Variants in LOXL3 observed in about 807,000 individuals in gnomAD.
The protein encoded by LOXL3 is lysyl oxidase like 3, also known as lysyl oxidase homolog 3.
In LOXL3, 60 loss-of-function variants were observed where a neutral mutation model predicts 91.8. The observed-to-expected ratio is 0.65, with a 90% confidence interval of 0.53 to 0.81. LOXL3 has a LOEUF of 0.81. Ranked by LOEUF, LOXL3 falls within the 30% of genes least tolerant of loss-of-function variation. LOXL3 has a pLI of 0.00. For missense variants in LOXL3, 874 were observed against 1,000.4 expected (o/e 0.87, Z 1.70); for synonymous variants, 355 against 387.6 (o/e 0.92, Z 0.99).
upstream of LOXL3, chr2:74,554,972 C>G (rs2104465795): frequency 7.0e-7 from 1 of 1,425,092 alleles, no homozygotes; most frequent in East Asian, 2.5e-5. The surrounding 1 kb of genome is among the most constrained non-coding windows in gnomAD (Gnocchi z 4.9). Context: ...CGGGAAGCGT[C>G]TGTAGTCTAG....
In LOXL3 at chr2:74,550,310, C is replaced by T. The variant is rs748631958; in HGVS notation, c.352G>A (p.Glu118Lys). 15 of 1,613,982 alleles carry T rather than the reference C, an allele frequency of 9.3e-6. No homozygotes were observed. Among genetic ancestry groups the T allele is most frequent in the South Asian group, 3.3e-5 (3 of 91,080 alleles). The change falls in exon 3 of 14, where the codon GAG (glutamate) becomes AAG (lysine). Residue 118 changes from glutamate (E) to lysine (K), a missense_variant. By Grantham distance (56) the Glu-to-Lys change is moderately conservative. Coordinates refer to ENST00000264094, the MANE Select transcript of LOXL3 (RefSeq NM_032603.5). ...GAGGCACATTCAGTCACACTCTGCT[C>T]GGTCCCACTGCAGCTCAAGTTGTCC... ...WLDNLSCSGT[E>K]QSVTECASRG...
In LOXL3 at chr2:74,549,619, G is replaced by T; in HGVS notation, c.478-36C>A. On this transcript the variant is annotated intron_variant, in intron 3 of 13. Coordinates refer to ENST00000264094, the MANE Select transcript of LOXL3 (RefSeq NM_032603.5). This position sits in a 1 kb window ranked among gnomAD's most constrained non-coding sequence, Gnocchi z 5.3. ...GGCCACAAGCAGGGAAAGAATCCCA[G>T]TGGCACCTTTCATGTGTCCCGCCGC... The T allele has an allele frequency of 3.8e-6, 6 of 1,581,924 alleles. No homozygotes were observed. The highest frequency in any genetic ancestry group is 4.3e-6 in the Non-Finnish European group (5 of 1,158,870).
rs572945556 is a variant in LOXL3 at position 74,543,777 on chromosome 2, C to T, written c.692+5592G>A. 1.2e-3 allele frequency among the ~76,000 whole-genome samples: 188 copies of T among 150,424 alleles called. 2 individuals carry two copies. The highest frequency in any genetic ancestry group is 4.0e-3 in the African/African-American group (165 of 40,972). On this transcript the variant is annotated intron_variant, in intron 4 of 13. Coordinates refer to ENST00000264094, the MANE Select transcript of LOXL3 (RefSeq NM_032603.5). The stretch of plus-strand genomic sequence containing the variant: ...TTAGCTGGGCATGGTGGCGCGTGCC[C>T]GTAATCCCAGCTACTCGAGAGGCTG...
chr2:74,537,949 C>A (rs537574815), intron 4 of LOXL3, among the ~76,000 whole-genome samples: 3 of 152,302 alleles, frequency 2.0e-5, no homozygotes, highest in African/African-American at 7.2e-5. Context: ...TGTGCCCTAT[C>A]ACTTGATGTC....
chr2:74,552,493 C>T lies in LOXL3; in HGVS notation c.142G>A (p.Gly48Ser). Reference protein sequence around the residue: ...GSQGLRFRLAGFPRKPYEGRV... With the variant: ...GSQGLRFRLASFPRKPYEGRV... The stretch of plus-strand genomic sequence containing the variant: ...CCCTCGTAGGGCTTCCTGGGGAAGC[C>T]AGCCAGCCGGAACCGAAGCCCCTGG... The change falls in exon 2 of 14, where the codon GGC (glycine) becomes AGC (serine). Residue 48 changes from glycine (G) to serine (S), a missense_variant. Gly to Ser is a moderately conservative substitution (Grantham distance 56). Coordinates refer to ENST00000264094, the MANE Select transcript of LOXL3 (RefSeq NM_032603.5). The T allele has an allele frequency of 6.2e-7, 1 of 1,613,552 alleles. No individual in the cohort carries two copies. Among genetic ancestry groups the T allele is most frequent in the Non-Finnish European group, 8.5e-7 (1 of 1,179,938 alleles).
chr2:74,541,949 T>C (rs1304308590), intron 4 of LOXL3, among the ~76,000 whole-genome samples: 1 of 152,174 alleles, frequency 6.6e-6, no homozygotes, highest in Non-Finnish European at 1.5e-5. Flanking sequence ...CATTCACAGA[T>C]GTGTTTGTTT....
Position 74,533,646 on chromosome 2 carries a change from A to G in LOXL3, c.2222T>C (p.Phe741Ser), listed in dbSNP as rs374373616. The change falls in exon 14 of 14, where the codon TTT (phenylalanine) becomes TCT (serine). Residue 741 changes from phenylalanine to serine, a missense_variant. Transcript: ENST00000264094. Reference protein sequence around the residue: ...DAFSEEANRRFERYPGQTSNQ... With the variant: ...DAFSEEANRRSERYPGQTSNQ... ...GCTGGTCTGGCCAGGGTAGCGTTCAAACCTCCTGTTGGCCTCTTCACTGAA... is the reference window on the plus strand; with the variant it reads ...GCTGGTCTGGCCAGGGTAGCGTTCAGACCTCCTGTTGGCCTCTTCACTGAA... 17 of 1,613,872 alleles carry G rather than the reference A, an allele frequency of 1.1e-5. No individual in the cohort carries two copies. Among genetic ancestry groups the G allele is most frequent in the African/African-American group, 1.3e-5 (1 of 74,852 alleles).
In LOXL3 at chr2:74,532,334, A is replaced by G; in HGVS notation, c.*1272T>C. ...TATCAGATCCATCCTTTTAGGCTCA[A>G]CTTAAGTTCTTTCCCCTTAAAGCTT... is the stretch of plus-strand genomic sequence containing the variant. On this transcript the variant is annotated 3_prime_UTR_variant, in exon 14 of 14. Coordinates refer to ENST00000264094, the MANE Select transcript of LOXL3 (RefSeq NM_032603.5). The G allele has an allele frequency of 6.1e-6, 3 of 491,212 alleles. No individual in the cohort carries two copies. Among genetic ancestry groups the G allele is most frequent in the Non-Finnish European group, 1.1e-5 (3 of 269,788 alleles). The allele number at this position is 491,212 out of a possible 1,614,324, so 30.4% of individuals were successfully genotyped here.
At chr2:74,548,106 G>A (rs1676717657) in intron 4 of LOXL3, among the ~76,000 whole-genome samples, 1 of 152,222 alleles carries the variant, frequency 6.6e-6, no homozygotes, top group Non-Finnish European at 1.5e-5. Flanking sequence ...TTAGACTTTG[G>A]TTTTAAACAT....
In LOXL3 at chr2:74,550,585, A is replaced by G. The variant is rs187676645; in HGVS notation, c.314-237T>C. Among the ~76,000 whole-genome samples the G allele has an allele frequency of 9.8e-4, 149 of 152,300 alleles. 2 individuals are homozygous for G. The highest frequency in any genetic ancestry group is 3.5e-3 in the African/African-American group (146 of 41,564). On this transcript the variant is annotated intron_variant, in intron 2 of 13. Coordinates refer to ENST00000264094, the MANE Select transcript of LOXL3 (RefSeq NM_032603.5). ...TACTCAAGAACCTGATACGGTGAAT[A>G]AAAAACCAAGAATCAACCCTGAAGT...
intron 9 of LOXL3, 126 bp from the exon 10 acceptor site, chr2:74,534,900 A>G: frequency 8.8e-7 from 1 of 1,135,544 alleles, no homozygotes; most frequent in East Asian, 2.4e-5. Flanking sequence ...TTTGTTTGAG[A>G]TGGAGTCTCA....
chr2:74,533,858 T>C lies in LOXL3; in HGVS notation c.2188+24A>G, dbSNP rs953300932. ...TTTCCCTCCCATCCCCTAATCTTCC[T>C]GGGTTGCTCTTCCCATCAAATACCA... is the stretch of plus-strand genomic sequence containing the variant. On this transcript the variant is annotated intron_variant, in intron 13 of 13. Transcript: ENST00000264094. The C allele has an allele frequency of 5.1e-6, 8 of 1,579,138 alleles. No homozygotes were observed. In the African/African-American group the frequency reaches 8.1e-5, roughly 16 times the overall value.
chr2:74,554,760 C>T (rs868513708), upstream of LOXL3: 1 of 1,613,774 alleles, frequency 6.2e-7, no homozygotes, highest in South Asian at 1.1e-5. This position sits in a 1 kb window ranked among gnomAD's most constrained non-coding sequence, Gnocchi z 4.9. Flanking sequence ...GGGCCATGGA[C>T]GGAGCAGTGA....
At chr2:74,541,406 A>G (rs1201781521) in intron 4 of LOXL3, among the ~76,000 whole-genome samples, 1 of 152,170 alleles carries the variant, frequency 6.6e-6, no homozygotes, top group Non-Finnish European at 1.5e-5. Flanking sequence ...AAGCTGTTTG[A>G]TATTTTCTGC....
chr2:74,555,139 T>G, upstream of LOXL3: 1 of 1,601,994 alleles, frequency 6.2e-7, no homozygotes, highest in Non-Finnish European at 8.5e-7. This position sits in a 1 kb window ranked among gnomAD's most constrained non-coding sequence, Gnocchi z 6.1. Context: ...TCGAGCACTC[T>G]CTCTCTCTCC....
Position 74,532,269 on chromosome 2 carries a change from C to T in LOXL3, c.*1337G>A. Reference sequence around the variant, plus strand: ...CTCAGCCAACCTGATTTCCTACTCCCATGTTTTTTATTTATGCTGTTCTTG... The same window carrying T: ...CTCAGCCAACCTGATTTCCTACTCCTATGTTTTTTATTTATGCTGTTCTTG... On this transcript the variant is annotated 3_prime_UTR_variant, in exon 14 of 14. Coordinates refer to ENST00000264094, the MANE Select transcript of LOXL3 (RefSeq NM_032603.5). 2.1e-6 allele frequency: 1 copy of T among 482,666 alleles called. No homozygotes were observed. Among genetic ancestry groups the T allele is most frequent in the East Asian group, 4.1e-5 (1 of 24,398 alleles). The allele number at this position is 482,666 out of a possible 1,614,324, so 29.9% of individuals were successfully genotyped here.
chr2:74,533,107 A>G lies in LOXL3; in HGVS notation c.*499T>C. Reference sequence around the variant, plus strand: ...GTGGGGGCAGGTCCCTCCAACCACCAGCACTGACTCCTGGGCTCTGAAGAA... The same window carrying G: ...GTGGGGGCAGGTCCCTCCAACCACCGGCACTGACTCCTGGGCTCTGAAGAA... On this transcript the variant is annotated 3_prime_UTR_variant, in exon 14 of 14. Transcript: ENST00000264094. The G allele has an allele frequency of 1.2e-6, 1 of 812,278 alleles. No individual in the cohort carries two copies. The highest frequency in any genetic ancestry group is 2.1e-6 in the Non-Finnish European group (1 of 482,152). 50.3% of individuals were successfully genotyped at this position (812,278 alleles called of 1,614,324 possible).
chr2:74,542,100 C>G (rs1676356507), intron 4 of LOXL3, among the ~76,000 whole-genome samples: 2 of 152,144 alleles, frequency 1.3e-5, no homozygotes, highest in African/African-American at 4.8e-5. Context: ...TGAGACCAGC[C>G]TGGGCAACAC....
rs1675881686 is a variant in LOXL3 at position 74,534,619 on chromosome 2, G to A, written c.1735C>T (p.Arg579Ter). 6.8e-6 allele frequency: 11 copies of A among 1,614,196 alleles called. No homozygotes were observed. The highest frequency in any genetic ancestry group is 9.3e-6 in the Non-Finnish European group (11 of 1,180,038). Residue 579 changes from arginine to a stop codon, truncating the protein, a stop_gained, in exon 10 of 14, where the codon CGA (arginine) becomes TGA (stop). Coordinates refer to ENST00000264094, the MANE Select transcript of LOXL3 (RefSeq NM_032603.5). LOFTEE classifies it high-confidence loss of function. Reference protein sequence around the residue: ...NWPYGHRRLLRFSSQIHNLGR... With the variant: ...NWPYGHRRLL ...AGGTTGTGGATCTGGGAGGAGAATC[G>A]GAGCAGACGCCGGTGACCATAGGGC...
Sources: gnomAD v4.1 joint callset for allele counts (sites outside exome capture counted in the v4.1 genomes callset) on GRCh38, gnomAD v4.1.1 for gene constraint, Gnocchi (gnomAD v3.1) non-coding constraint, MANE v1.5 for transcripts, NCBI Gene and HGNC (gene_info 2026-07-23, HGNC 2026-07-21) for gene names.